The following MADD variants were observed in gnomAD, a reference collection of about 807,000 sequenced individuals.
The protein encoded by MADD is MAP kinase-activating death domain protein.
Under a neutral mutation model 176.7 loss-of-function variants are expected in MADD, and 109 were observed. The ratio of observed to expected loss-of-function variants is 0.62; its 90% CI spans 0.53 to 0.72. MADD has a LOEUF of 0.72. MADD is among the 30% of genes least tolerant of loss of function. The pLI is 0.00. For synonymous variants in MADD, 771 were observed against 771.3 expected, an observed-to-expected ratio of 1.00 and a Z score of 0.01; for missense variants, 1,914 against 2,045.5, an observed-to-expected ratio of 0.94 and a Z score of 1.24.
At position 47,270,497 on chromosome 11, in the gene MADD, CGGGGCG is replaced by C. The variant is rs1156849572; in HGVS notation, c.-89+268_-89+273del. Among the ~76,000 whole-genome samples, 11 of 8,704 alleles carry C rather than the reference CGGGGCG, an allele frequency of 1.3e-3. 1 individual carries two copies. The highest frequency in any genetic ancestry group is 4.1e-3 in the African/African-American group (8 of 1,942). 5.7% of individuals were successfully genotyped at this position (8,704 alleles called of 152,430 possible). ...CGAGCGGGCGGCTCGGGTTCAGGTT[CGGGGCG>C]GGGGCGGGGGCGGGGGAGAACTGTC... On this transcript the variant is annotated intron_variant, in intron 1 of 32. Transcript: ENST00000402192.
upstream of MADD, chr11:47,269,961 G>C (rs978861634): frequency 3.9e-5 from 6 of 152,238 alleles, no homozygotes; most frequent in Admixed American, 6.5e-5. Flanking sequence ...GGCCTGGCGC[G>C]CCCTCCCGCG....
chr11:47,274,768 C>T lies in MADD; in HGVS notation c.268C>T (p.Arg90Ter), dbSNP rs1200178932. 5 of 1,614,100 alleles carry T rather than the reference C, an allele frequency of 3.1e-6. No individual in the cohort carries two copies. Among genetic ancestry groups the T allele is most frequent in the Admixed American group, 1.7e-5 (1 of 60,004 alleles). Residue 90 changes from arginine to a stop codon, truncating the protein, a stop_gained, in exon 3 of 33, where the codon CGA becomes TGA. Coordinates refer to ENST00000402192, the Ensembl canonical transcript of MADD. LOFTEE classifies it high-confidence loss of function. ...CACTGACAAGGACACTGGAGTCACGCGATATGGCATCTGTGTTAACTTCTA... is the reference window on the plus strand; with the variant it reads ...CACTGACAAGGACACTGGAGTCACGTGATATGGCATCTGTGTTAACTTCTA...
At chr11:47,278,047 C>T (rs921912884) in intron 5 of MADD, 118 bp from the exon 6 acceptor site, 3 of 733,742 alleles carry the variant, frequency 4.1e-6, no homozygotes, top group African/African-American at 1.7e-5. Flanking sequence ...TACATCTGGC[C>T]TCAAGAGTTT....
At chr11:47,272,962 T>C (rs1483859006) in intron 1 of MADD, among the ~76,000 whole-genome samples, 1 of 152,170 alleles carries the variant, frequency 6.6e-6, no homozygotes, top group East Asian at 1.9e-4. Context: ...GGGAGAAAAG[T>C]GGTGCAGATT....
intron 1 of MADD, among the ~76,000 whole-genome samples, chr11:47,272,733 T>G (rs1409006503): frequency 1.3e-5 from 2 of 152,218 alleles, no homozygotes; most frequent in African/African-American, 2.4e-5. Flanking sequence ...AGGACATAGT[T>G]TAGAAATTTC....
chr11:47,288,935 G>T (rs766665154), intron 15 of MADD, 33 bp from the exon 16 acceptor site: 6 of 1,522,960 alleles, frequency 3.9e-6, no homozygotes, highest in Non-Finnish European at 5.4e-6. Flanking sequence ...CGGTATTGTG[G>T]TACACCTACT....
intron 22 of MADD, among the ~76,000 whole-genome samples, chr11:47,297,690 C>G (rs943861852): frequency 1.3e-5 from 2 of 151,692 alleles, no homozygotes; most frequent in African/African-American, 4.8e-5. Context: ...TCGTGATCTG[C>G]TCGCCTTGGC....
Position 47,282,644 on chromosome 11 carries a change from C to G in MADD, c.1705+28C>G. The G allele has an allele frequency of 1.9e-6, 3 of 1,608,504 alleles. No individual in the cohort carries two copies. In the Admixed American group the frequency reaches 5.0e-5, roughly 27 times the overall value. On this transcript the variant is annotated intron_variant, in intron 9 of 32. Transcript: ENST00000402192. ...GAGTCTACCTGCCCTCTGCTCCGCT[C>G]TGCCTTGTGCCTCTGTCCTCCTGAT...
chr11:47,284,123 G>T (rs1454445441), intron 10 of MADD, 55 bp from the exon 11 acceptor site: 14 of 1,150,264 alleles, frequency 1.2e-5, no homozygotes, highest in Non-Finnish European at 1.8e-5. Context: ...CTGATTGTAG[G>T]TGTTCTCCCT....
intron 22 of MADD, among the ~76,000 whole-genome samples, chr11:47,300,505 T>C (rs1593657363): frequency 6.7e-6 from 1 of 149,780 alleles, no homozygotes; most frequent in Non-Finnish European, 1.5e-5. Context: ...TGCGCCCAGC[T>C]TTTTTTCTTT....
At chr11:47,270,227 A>T (rs1959006295) in exon 1 of MADD, 1 of 151,072 alleles carries the variant, frequency 6.6e-6, no homozygotes, top group Non-Finnish European at 1.5e-5. Flanking sequence ...GGGCCTGGCC[A>T]GTCCCCCAGA....
At chr11:47,278,239 G>C (rs763428787) in exon 6 of MADD, 1 of 1,614,004 alleles carries the variant, frequency 6.2e-7, no homozygotes, top group East Asian at 2.2e-5. Context: ...ACTTCAAAAT[G>C]CCTGATGATG....
At chr11:47,277,747 A>T (rs571896587) in intron 5 of MADD, among the ~76,000 whole-genome samples, 1 of 152,186 alleles carries the variant, frequency 6.6e-6, no homozygotes, top group Non-Finnish European at 1.5e-5. Context: ...CGAGATGGCT[A>T]CAGGCTGGAC....
At chr11:47,323,609 A>G (rs1565572851) in intron 27 of MADD, 62 bp from the exon 31 acceptor site, 1 of 1,554,116 alleles carries the variant, frequency 6.4e-7, no homozygotes, top group Non-Finnish European at 8.8e-7. Context: ...CCCTGTAGGA[A>G]ACAGTCTAGG....
At chr11:47,308,799 C>G in intron 23 of MADD, 100 bp downstream of exon 25, 1 of 1,104,784 alleles carries the variant, frequency 9.1e-7, no homozygotes, top group Non-Finnish European at 1.4e-6. Context: ...TTCTGCTGAT[C>G]TTAATGCTAA....
chr11:47,274,469 A>G, intron 2 of MADD, 94 bp from the exon 3 acceptor site: 1 of 1,061,116 alleles, frequency 9.4e-7, no homozygotes, highest in Non-Finnish European at 1.4e-6. Flanking sequence ...CTTTATCCAA[A>G]ATAGCATCTT....
rs3847502 is a variant in MADD at position 47,312,134 on chromosome 11, C to T, written c.4089+292C>T. On this transcript the variant is annotated intron_variant, in intron 26 of 32. Coordinates refer to ENST00000402192, the Ensembl canonical transcript of MADD. The stretch of plus-strand genomic sequence containing the variant: ...GTTACATTTGCACTGATGGTACCAA[C>T]GCAGTGATGGGTAAAACTGCTGGCA... Among the ~76,000 whole-genome samples, 468 of 152,164 alleles carry T rather than the reference C, an allele frequency of 3.1e-3. 5 individuals carry two copies. Among genetic ancestry groups the T allele is most frequent in the African/African-American group, 8.2e-3 (342 of 41,538 alleles).
At chr11:47,324,605 C>T in intron 30 of MADD, 28 bp downstream of exon 33, 2 of 1,495,512 alleles carry the variant, frequency 1.3e-6, no homozygotes, top group South Asian at 2.3e-5. Flanking sequence ...CACGAGGCTC[C>T]CTGTCGTTCC....
At chr11:47,324,655 C>G in intron 30 of MADD, 78 bp downstream of exon 33, 1 of 976,712 alleles carries the variant, frequency 1.0e-6, no homozygotes, top group Admixed American at 1.9e-5. Flanking sequence ...CCAGTACTTC[C>G]CCAGCAAGCA....
Sources: gnomAD v4.1 joint callset for allele counts (sites outside exome capture counted in the v4.1 genomes callset) on GRCh38, gnomAD v4.1.1 for gene constraint, MANE v1.5 for transcripts, NCBI Gene and HGNC (gene_info 2026-07-23, HGNC 2026-07-21) for gene names.